The following ATP5MC2 variants were observed in gnomAD, a reference collection of about 807,000 sequenced individuals.
The protein encoded by ATP5MC2 is ATP synthase F(0) complex subunit C2, mitochondrial.
A neutral mutation model predicts 13.5 loss-of-function variants in ATP5MC2; 11 were observed. That is an observed-to-expected ratio of 0.81 (90% CI 0.51 to 1.35). The LOEUF (loss-of-function observed/expected upper bound fraction) is 1.35. Among genes scored for constraint, ATP5MC2 ranks in the 40% most tolerant of loss-of-function variants. ATP5MC2 has a pLI of 0.00. For missense variants in ATP5MC2, 132 were observed against 175.0 expected (o/e 0.75, Z 1.39); for synonymous variants, 64 against 69.7 (o/e 0.92, Z 0.41).
intron 2 of ATP5MC2, among the ~76,000 whole-genome samples, chr12:53,672,096 A>T (rs866794866): frequency 1.3e-5 from 2 of 148,764 alleles, no homozygotes; most frequent in Admixed American, 6.6e-5. Flanking sequence ...AAAAAAAAAA[A>T]AAAAAAAAAT....
chr12:53,668,277 CT>C (rs1460529544), intron 4 of ATP5MC2, among the ~76,000 whole-genome samples: 1 of 150,812 alleles, frequency 6.6e-6, no homozygotes, highest in East Asian at 2.0e-4. Flanking sequence ...CATGAACCAC[CT>C]CGCCCAGCCT....
chr12:53,675,999 G>A lies in ATP5MC2; in HGVS notation c.-32+54C>T, dbSNP rs949238632. 2.7e-5 allele frequency: 43 copies of A among 1,594,146 alleles called. No homozygotes were observed. In the South Asian group the frequency reaches 4.5e-4, roughly 17 times the overall value. ...GCCTCAAAGCATCCGCGCAAGGTGA[G>A]GTGTCCCGCGCGCGTGCGCAGCGCA... is the stretch of plus-strand genomic sequence containing the variant. On this transcript the variant is annotated intron_variant, in intron 1 of 4. Coordinates refer to ENST00000394349, the MANE Select transcript of ATP5MC2 (RefSeq NM_005176.7).
intron 4 of ATP5MC2, among the ~76,000 whole-genome samples, chr12:53,666,735 G>C (rs1944924515): frequency 6.6e-6 from 1 of 151,294 alleles, no homozygotes. Context: ...ACTCCAGCCT[G>C]GGTGACAGAG....
intron 2 of ATP5MC2, among the ~76,000 whole-genome samples, chr12:53,672,147 C>T (rs1399012417): frequency 6.8e-6 from 1 of 147,458 alleles, no homozygotes; most frequent in African/African-American, 2.5e-5. Flanking sequence ...GAGTATCTAG[C>T]AAGCATTCAC....
chr12:53,678,283 C>T (rs1945318761), upstream of ATP5MC2, among the ~76,000 whole-genome samples: 1 of 152,066 alleles, frequency 6.6e-6, no homozygotes, highest in African/African-American at 2.4e-5. Flanking sequence ...AAGCTTTTAG[C>T]AAGGTACTTG....
chr12:53,672,885 C>CA (rs767721091), intron 1 of ATP5MC2: 25 of 456,658 alleles, frequency 5.5e-5, no homozygotes, highest in Non-Finnish European at 8.6e-5. Flanking sequence ...CACTTGGGTT[C>CA]AGGTAAGACC....
chr12:53,667,066 C>G (rs925863129), intron 4 of ATP5MC2, among the ~76,000 whole-genome samples: 1 of 152,062 alleles, frequency 6.6e-6, no homozygotes, highest in African/African-American at 2.4e-5. Flanking sequence ...ACTCTGATAC[C>G]TCCAGAAGTC....
At chr12:53,666,812 G>C (rs1241536202) in intron 4 of ATP5MC2, among the ~76,000 whole-genome samples, 3 of 151,606 alleles carry the variant, frequency 2.0e-5, no homozygotes, top group Non-Finnish European at 4.4e-5. Context: ...CGGGCGTGGT[G>C]GTGGGCACCT....
At chr12:53,667,952 CACACATATATATATAT>C (rs1409411181) in intron 4 of ATP5MC2, among the ~76,000 whole-genome samples, 3 of 110,746 alleles carry the variant, frequency 2.7e-5, no homozygotes, top group African/African-American at 9.7e-5. Flanking sequence ...CATACATACA[CACACATATATATATAT>C]ATATATATAT....
At chr12:53,680,127 A>C (rs1945333216), upstream of ATP5MC2, among the ~76,000 whole-genome samples, 1 of 152,160 alleles carries the variant, frequency 6.6e-6, no homozygotes, top group Non-Finnish European at 1.5e-5. Flanking sequence ...CTGGAACTAC[A>C]GGCATGCGCC....
chr12:53,680,317 GC>G (rs1945333965), upstream of ATP5MC2, among the ~76,000 whole-genome samples: 1 of 152,162 alleles, frequency 6.6e-6, no homozygotes, highest in African/African-American at 2.4e-5. Flanking sequence ...TCTGCTATGT[GC>G]AAAGTATTGT....
chr12:53,676,346 GCGTTTGGGATCT>G, upstream of ATP5MC2: 1 of 1,157,344 alleles, frequency 8.6e-7, no homozygotes, highest in Non-Finnish European at 1.2e-6. Flanking sequence ...GGTCTGTACC[GCGTTTGGGATCT>G]CGGACTTGCG....
chr12:53,672,324 C>G (rs1171397686), intron 2 of ATP5MC2, among the ~76,000 whole-genome samples: 1 of 152,082 alleles, frequency 6.6e-6, no homozygotes, highest in Non-Finnish European at 1.5e-5. Flanking sequence ...TGGGTTCAAG[C>G]TATTCTGTTG....
intron 2 of ATP5MC2, chr12:53,670,331 A>G (rs1025921607): frequency 1.7e-5 from 6 of 350,388 alleles, no homozygotes; most frequent in African/African-American, 1.3e-4. Flanking sequence ...TTATGTGCCA[A>G]TAAATCCATC....
At chr12:53,676,161 G>C (rs1412712606), upstream of ATP5MC2, 4 of 1,614,150 alleles carry the variant, frequency 2.5e-6, no homozygotes, top group South Asian at 1.1e-5. Context: ...CACGGATAGA[G>C]TGATTGCAAC....
chr12:53,667,964 T>TAC (rs1944974420), intron 4 of ATP5MC2, among the ~76,000 whole-genome samples: 1 of 43,538 alleles, frequency 2.3e-5, no homozygotes, highest in African/African-American at 1.7e-4. Context: ...CACATATATA[T>TAC]ATATATATAT....
At position 53,666,342 on chromosome 12, in the gene ATP5MC2, C is replaced by T. The variant is rs58719371; in HGVS notation, c.312-914G>A. 9.2e-3 allele frequency among the ~76,000 whole-genome samples: 1,405 copies of T among 152,102 alleles called. 19 individuals are homozygous for T. Among genetic ancestry groups the T allele is most frequent in the East Asian group, 0.029 (148 of 5,162 alleles). On this transcript the variant is annotated intron_variant, in intron 4 of 4. Coordinates refer to ENST00000394349, the MANE Select transcript of ATP5MC2 (RefSeq NM_005176.7). ...TCTGTAATCCCAGCACTTTGGGAGGCCGAAGTGGGCAGATCACGAGGTCAG... is the reference window on the plus strand; with the variant it reads ...TCTGTAATCCCAGCACTTTGGGAGGTCGAAGTGGGCAGATCACGAGGTCAG...
At chr12:53,676,304 A>AG, upstream of ATP5MC2, 1 of 1,490,668 alleles carries the variant, frequency 6.7e-7, no homozygotes, top group South Asian at 1.3e-5. Context: ...AACTCCGCGG[A>AG]GTAAGCCGAT....
At chr12:53,677,724 G>T (rs1307749475), upstream of ATP5MC2, among the ~76,000 whole-genome samples, 1 of 152,238 alleles carries the variant, frequency 6.6e-6, no homozygotes, top group Non-Finnish European at 1.5e-5. Context: ...CGAGCGGGCA[G>T]GTACGTGGGA....
Sources: gnomAD v4.1 joint callset for allele counts (sites outside exome capture counted in the v4.1 genomes callset) on GRCh38, gnomAD v4.1.1 for gene constraint, MANE v1.5 for transcripts, NCBI Gene and HGNC (gene_info 2026-07-23, HGNC 2026-07-21) for gene names.